NINL: variants seen among roughly 807,000 people sequenced by gnomAD.
NINL encodes ninein-like protein.
A neutral mutation model predicts 160.3 loss-of-function variants in NINL; 153 were observed. That is an observed-to-expected ratio of 0.95 (90% CI 0.84 to 1.09). The LOEUF is 1.09. NINL is among the 50% of genes least tolerant of loss of function. NINL has a pLI of 0.00. For missense variants in NINL, 1,829 were observed against 1,764.0 expected, an observed-to-expected ratio of 1.04 and a Z score of -0.66; for synonymous variants, 800 against 734.8, an observed-to-expected ratio of 1.09 and a Z score of -1.43.
chr20:25,566,339 C>T (rs2064999758), intron 1 of NINL, among the ~76,000 whole-genome samples: 1 of 152,038 alleles, frequency 6.6e-6, no homozygotes, highest in South Asian at 2.1e-4. Context: ...ACTAAAGATC[C>T]ATTTACTTAA....
intron 17 of NINL, among the ~76,000 whole-genome samples, chr20:25,473,085 T>G (rs769375199): frequency 6.6e-6 from 1 of 152,172 alleles, no homozygotes; most frequent in Non-Finnish European, 1.5e-5. Context: ...CACAACCAGG[T>G]TGAGCCAAGA....
intron 4 of NINL, 134 bp from the exon 5 acceptor site, chr20:25,510,874 AG>A: frequency 1.5e-6 from 1 of 689,288 alleles, no homozygotes; most frequent in South Asian, 1.8e-5. Flanking sequence ...TCAGAGGAAA[AG>A]CCCACCCCCA....
At chr20:25,499,020 T>C (rs1316747090) in intron 8 of NINL, 26 of 985,372 alleles carry the variant, frequency 2.6e-5, no homozygotes, top group Non-Finnish European at 3.1e-5. Context: ...TGGGTATTCC[T>C]GGCTCTGCTT....
At chr20:25,573,321 T>G (rs549119005) in intron 1 of NINL, among the ~76,000 whole-genome samples, 18 of 151,210 alleles carry the variant, frequency 1.2e-4, no homozygotes, top group Admixed American at 9.2e-4. Flanking sequence ...AATTAAAGAA[T>G]AAAATAACAT....
intron 10 of NINL, among the ~76,000 whole-genome samples, chr20:25,493,404 A>C (rs1206698679): frequency 6.6e-6 from 1 of 152,114 alleles, no homozygotes; most frequent in Non-Finnish European, 1.5e-5. Context: ...CTCAGGATGA[A>C]AGTGAGAGGT....
intron 1 of NINL, among the ~76,000 whole-genome samples, chr20:25,533,096 C>A (rs2147001493): frequency 6.6e-6 from 1 of 152,318 alleles, no homozygotes; most frequent in Admixed American, 6.5e-5. Context: ...AGCCCCAGAA[C>A]ACAGCCCAGG....
chr20:25,564,979 T>C (rs1008550606), intron 1 of NINL, among the ~76,000 whole-genome samples: 3 of 152,076 alleles, frequency 2.0e-5, no homozygotes, highest in African/African-American at 7.2e-5. Context: ...TGGCAACTGA[T>C]GATTGCTGGA....
intron 1 of NINL, among the ~76,000 whole-genome samples, chr20:25,543,328 C>T (rs1453518809): frequency 1.3e-5 from 2 of 152,166 alleles, no homozygotes; most frequent in South Asian, 2.1e-4. Context: ...GGCACACAGA[C>T]AGCTTGAGCT....
At chr20:25,575,307 C>T (rs904386395) in intron 1 of NINL, among the ~76,000 whole-genome samples, 4 of 151,190 alleles carry the variant, frequency 2.6e-5, no homozygotes, top group Non-Finnish European at 5.9e-5. Flanking sequence ...ATTAGCTGGG[C>T]GTGGTGGCAG....
intron 13 of NINL, 24 bp from the exon 14 acceptor site, chr20:25,482,124 T>A (rs769163984): frequency 6.3e-7 from 1 of 1,582,416 alleles, no homozygotes; most frequent in East Asian, 2.3e-5. Context: ...GCCAGCCACC[T>A]CCTCTAGCAG....
rs2090578499 is a variant in NINL at position 25,453,358 on chromosome 20, G to T, written c.*93C>A. The T allele has an allele frequency of 2.7e-6, 3 of 1,119,938 alleles. No individual in the cohort carries two copies. Among genetic ancestry groups the T allele is most frequent in the Non-Finnish European group, 3.9e-6 (3 of 773,314 alleles). The allele number at this position is 1,119,938 out of a possible 1,614,324, so 69.4% of individuals were successfully genotyped here. On this transcript the variant is annotated 3_prime_UTR_variant, in exon 24 of 24. Transcript: ENST00000278886. ...GAATCCCAATCCTCAGATGTCCCAGGACTCATGGCTCATGACCCACGGAAT... is the reference window on the plus strand; with the variant it reads ...GAATCCCAATCCTCAGATGTCCCAGTACTCATGGCTCATGACCCACGGAAT...
intron 1 of NINL, among the ~76,000 whole-genome samples, chr20:25,569,174 G>A (rs1191743166): frequency 6.7e-6 from 1 of 149,942 alleles, no homozygotes; most frequent in Non-Finnish European, 1.5e-5. Context: ...GTTGCAGTGA[G>A]CCAGGATAGC....
intron 13 of NINL, among the ~76,000 whole-genome samples, chr20:25,486,385 T>A (rs1437259464): frequency 6.6e-6 from 1 of 152,166 alleles, no homozygotes; most frequent in Non-Finnish European, 1.5e-5. Flanking sequence ...AACAGAATCA[T>A]GTTAAAGAAA....
chr20:25,579,112 G>C lies in NINL; in HGVS notation c.-12+6343C>G, dbSNP rs141368331. Among the ~76,000 whole-genome samples the C allele has an allele frequency of 2.6e-5, 4 of 152,270 alleles. No homozygotes were observed. In the East Asian group the frequency reaches 7.7e-4, roughly 29 times the overall value. ...TGAAAATACCTCATCTTCTTGTTAA[G>C]GTAAAGAAATGATATAGTCCCTCGG... On this transcript the variant is annotated intron_variant, in intron 1 of 23. Coordinates refer to ENST00000278886, the MANE Select transcript of NINL (RefSeq NM_025176.6).
chr20:25,479,438 A>T (rs1158855584), intron 15 of NINL, among the ~76,000 whole-genome samples: 2 of 152,186 alleles, frequency 1.3e-5, no homozygotes, highest in Non-Finnish European at 2.9e-5. Flanking sequence ...GGCAGGCAAG[A>T]CAGGCAGGAA....
At chr20:25,462,742 C>T (rs1713349403) in intron 19 of NINL, 1 of 480,160 alleles carries the variant, frequency 2.1e-6, no homozygotes, top group South Asian at 2.4e-5. Context: ...GCAGCCGTGA[C>T]CTCCTAGGCT....
intron 1 of NINL, among the ~76,000 whole-genome samples, chr20:25,547,455 G>A (rs2064749273): frequency 6.6e-6 from 1 of 152,188 alleles, no homozygotes. Flanking sequence ...TCGTTCAGAT[G>A]CACAGGTCAC....
intron 1 of NINL, among the ~76,000 whole-genome samples, chr20:25,568,736 G>A (rs1052731888): frequency 6.6e-6 from 1 of 151,752 alleles, no homozygotes; most frequent in Admixed American, 6.6e-5. Context: ...ACCACAATCA[G>A]AACTTTTCCA....
chr20:25,546,841 G>T (rs896842237), intron 1 of NINL, among the ~76,000 whole-genome samples: 1 of 127,194 alleles, frequency 7.9e-6, no homozygotes, highest in Non-Finnish European at 1.8e-5. Context: ...AGGCACCGTG[G>T]CCAGACAGCT....
Sources: allele counts gnomAD v4.1 joint callset (sites outside exome capture counted in the v4.1 genomes callset), GRCh38; gene constraint gnomAD v4.1.1; transcripts MANE v1.5; gene names NCBI Gene and HGNC (gene_info 2026-07-23, HGNC 2026-07-21).